HERPUD2: variants seen among roughly 807,000 people sequenced by gnomAD.
HERPUD2 encodes the protein HERPUD family member 2.
A neutral mutation model predicts 49.9 loss-of-function variants in HERPUD2; 13 were observed. The ratio of observed to expected loss-of-function variants is 0.26; its 90% CI spans 0.17 to 0.41. HERPUD2 has a LOEUF of 0.41. HERPUD2 is among the 10% of genes least tolerant of loss of function. The pLI is 1.00. For missense variants in HERPUD2, 449 were observed against 492.2 expected, an observed-to-expected ratio of 0.91 and a Z score of 0.83; for synonymous variants, 172 against 171.4, an observed-to-expected ratio of 1.00 and a Z score of -0.03.
chr7:35,637,369 CT>C (rs1031892251), intron 6 of HERPUD2, among the ~76,000 whole-genome samples: 2 of 152,120 alleles, frequency 1.3e-5, no homozygotes, highest in African/African-American at 4.8e-5. Context: ...TCATAAAATA[CT>C]GCTTTCAGGA....
intron 2 of HERPUD2, among the ~76,000 whole-genome samples, chr7:35,692,086 A>G (rs1464932053): frequency 6.6e-6 from 1 of 152,234 alleles, no homozygotes; most frequent in Admixed American, 6.5e-5. Flanking sequence ...TAGGCTGCAT[A>G]GTATTTGGTT....
In HERPUD2 at chr7:35,640,589, A is replaced by G. The variant is rs941931432; in HGVS notation, c.495-2117T>C. ...ATAAGTTAGAAAACTACTGGACGAT[A>G]TAATTGCCAAATACATCCCAGGCCC... On this transcript the variant is annotated intron_variant, in intron 5 of 8. Coordinates refer to ENST00000311350, the MANE Select transcript of HERPUD2 (RefSeq NM_022373.5). Among the ~76,000 whole-genome samples the G allele has an allele frequency of 7.0e-4, 107 of 152,346 alleles. 1 individual carries two copies. The highest frequency in any genetic ancestry group is 2.5e-3 in the African/African-American group (102 of 41,584).
rs75401840 is a variant in HERPUD2, at chr7:35,648,054, T to A, written c.495-9582A>T. 5.5e-3 allele frequency among the ~76,000 whole-genome samples: 843 copies of A among 152,258 alleles called. 14 individuals carry two copies. The highest frequency in any genetic ancestry group is 0.019 in the African/African-American group (803 of 41,538). On this transcript the variant is annotated intron_variant, in intron 5 of 8. Coordinates refer to ENST00000311350, the MANE Select transcript of HERPUD2 (RefSeq NM_022373.5). Reference sequence around the variant, plus strand: ...ATTAAAACAAGGACATTCCAACTTATCACGTTAGCAAGTACATATCTGTAC... The same window carrying A: ...ATTAAAACAAGGACATTCCAACTTAACACGTTAGCAAGTACATATCTGTAC...
At chr7:35,686,104 CTT>C (rs1562688174) in intron 2 of HERPUD2, among the ~76,000 whole-genome samples, 1 of 151,896 alleles carries the variant, frequency 6.6e-6, no homozygotes, top group Admixed American at 6.6e-5. Flanking sequence ...AAAGCAGAGA[CTT>C]TGAGATCTCA....
chr7:35,633,683 T>C lies in HERPUD2; in HGVS notation c.*7A>G, dbSNP rs897648032. 7.4e-6 allele frequency: 12 copies of C among 1,611,466 alleles called. No homozygotes were observed. Among genetic ancestry groups the C allele is most frequent in the Admixed American group, 3.4e-5 (2 of 59,490 alleles). Reference sequence around the variant, plus strand: ...GACCCTCCTTGTAGCTGGCACAGTTTTTCAGGTCAATTGGCAACCTGGGGA... The same window carrying C: ...GACCCTCCTTGTAGCTGGCACAGTTCTTCAGGTCAATTGGCAACCTGGGGA... On this transcript the variant is annotated 3_prime_UTR_variant, in exon 9 of 9. Coordinates refer to ENST00000311350, the MANE Select transcript of HERPUD2 (RefSeq NM_022373.5).
At chr7:35,637,132 C>T (rs74795282) in intron 6 of HERPUD2, among the ~76,000 whole-genome samples, 1 of 79,018 alleles carries the variant, frequency 1.3e-5, no homozygotes, top group Non-Finnish European at 3.2e-5. Context: ...GACTCTGTCT[C>T]AAAAAAAAAG....
At position 35,633,851 on chromosome 7, in the gene HERPUD2, C is replaced by G. The variant is rs1020697117; in HGVS notation, c.1060G>C (p.Glu354Gln). The G allele has an allele frequency of 1.9e-6, 3 of 1,611,640 alleles. No individual in the cohort carries two copies. Among genetic ancestry groups the G allele is most frequent in the Non-Finnish European group, 2.5e-6 (3 of 1,179,224 alleles). ...NANNLELEEM[E>Q]RLMDDGLEDE... Reference sequence around the variant, plus strand: ...TCAAGCCCATCATCCATAAGACGCTCCTTTCAAGCAAAACAAGAAAGATAC... The same window carrying G: ...TCAAGCCCATCATCCATAAGACGCTGCTTTCAAGCAAAACAAGAAAGATAC... The change falls in exon 9 of 9, where the codon GAG becomes CAG. Residue 354 changes from glutamate (E) to glutamine (Q), a missense_variant and splice_region_variant. Coordinates refer to ENST00000311350, the MANE Select transcript of HERPUD2 (RefSeq NM_022373.5).
intron 2 of HERPUD2, among the ~76,000 whole-genome samples, chr7:35,686,408 C>T (rs1327734931): frequency 6.7e-6 from 1 of 149,456 alleles, no homozygotes; most frequent in Middle Eastern, 3.2e-3. Flanking sequence ...AGCATGGTCT[C>T]GATCTCCTGA....
In HERPUD2 at chr7:35,649,674, T is replaced by C. The variant is rs778470083; in HGVS notation, c.495-11202A>G. ...AGGTTATAGGCAGATTTTTAAAAAA[T>C]ATTATTGGCAATTGGGTGAATTATT... is the stretch of plus-strand genomic sequence containing the variant. On this transcript the variant is annotated intron_variant, in intron 5 of 8. Transcript: ENST00000311350. 6.6e-4 allele frequency among the ~76,000 whole-genome samples: 101 copies of C among 152,318 alleles called. 2 individuals are homozygous for C. Among genetic ancestry groups the C allele is most frequent in the Non-Finnish European group, 9.0e-4 (61 of 68,030 alleles).
intron 2 of HERPUD2, among the ~76,000 whole-genome samples, chr7:35,685,876 G>A (rs931177688): frequency 2.6e-5 from 4 of 151,860 alleles, no homozygotes; most frequent in East Asian, 2.0e-4. Flanking sequence ...CTGGAGAATC[G>A]CTTGAACCTG....
intron 2 of HERPUD2, among the ~76,000 whole-genome samples, chr7:35,678,828 T>C (rs1785820410): frequency 2.0e-5 from 3 of 152,232 alleles, no homozygotes; most frequent in Admixed American, 2.0e-4. Context: ...ATCTCCATTT[T>C]CCTATTAAAC....
chr7:35,647,171 C>G (rs915539560), intron 5 of HERPUD2, among the ~76,000 whole-genome samples: 1 of 152,132 alleles, frequency 6.6e-6, no homozygotes, highest in African/African-American at 2.4e-5. Context: ...TCCATACAAG[C>G]GACCAAGCAG....
intron 5 of HERPUD2, among the ~76,000 whole-genome samples, chr7:35,644,238 CCCAT>C (rs1785012562): frequency 6.6e-6 from 1 of 151,192 alleles, no homozygotes; most frequent in Admixed American, 6.6e-5. Flanking sequence ...GCACCACCCA[CCCAT>C]GGGATAATTC....
chr7:35,668,367 C>T (rs1165622949), intron 4 of HERPUD2, among the ~76,000 whole-genome samples: 1 of 152,076 alleles, frequency 6.6e-6, no homozygotes, highest in African/African-American at 2.4e-5. Context: ...TAACCATAAA[C>T]AATATAACTC....
At chr7:35,659,983 C>T (rs1025889465) in intron 5 of HERPUD2, among the ~76,000 whole-genome samples, 4 of 152,054 alleles carry the variant, frequency 2.6e-5, no homozygotes, top group African/African-American at 9.7e-5. Flanking sequence ...CACCCATTAA[C>T]TCGTCATCTA....
intron 5 of HERPUD2, among the ~76,000 whole-genome samples, chr7:35,665,819 T>C (rs1445363210): frequency 1.3e-5 from 2 of 152,242 alleles, no homozygotes; most frequent in Non-Finnish European, 2.9e-5. Flanking sequence ...ATTTTCTCAA[T>C]AGCCTAGTTT....
intron 2 of HERPUD2, among the ~76,000 whole-genome samples, chr7:35,685,518 G>A (rs1338303221): frequency 6.6e-6 from 1 of 151,380 alleles, no homozygotes; most frequent in African/African-American, 2.4e-5. Flanking sequence ...TAGAGACAGG[G>A]TTTCTCCATG....
At chr7:35,673,338 G>A (rs1785684723) in intron 2 of HERPUD2, 60 bp from the exon 3 acceptor site, 2 of 1,262,832 alleles carry the variant, frequency 1.6e-6, no homozygotes, top group Non-Finnish European at 2.3e-6. Flanking sequence ...TGAAGGTTGG[G>A]AATAACATGC....
At chr7:35,683,652 T>G (rs1785964260) in intron 2 of HERPUD2, among the ~76,000 whole-genome samples, 2 of 152,092 alleles carry the variant, frequency 1.3e-5, no homozygotes, top group Non-Finnish European at 2.9e-5. Context: ...GGGACAAACC[T>G]TCATAATCTA....
Sources: gnomAD v4.1 joint callset for allele counts (sites outside exome capture counted in the v4.1 genomes callset) on GRCh38, gnomAD v4.1.1 for gene constraint, MANE v1.5 for transcripts, NCBI Gene and HGNC (gene_info 2026-07-23, HGNC 2026-07-21) for gene names.